SGCZ: variants seen among roughly 807,000 people sequenced by gnomAD.
SGCZ encodes the protein sarcoglycan zeta, also known as zeta-sarcoglycan.
SGCZ carries 40 observed loss-of-function variants against 41.3 expected under a neutral mutation model. The observed-to-expected ratio is 0.97, with a 90% CI of 0.75 to 1.26. The LOEUF is 1.26. Ranked by LOEUF, SGCZ falls within the 50% of genes most tolerant of loss-of-function variation. The probability of loss-of-function intolerance (pLI) is 0.00; values close to 1 mark genes in which losing one functional copy is unlikely to be tolerated. For missense variants in SGCZ, 552 were observed against 369.8 expected, an observed-to-expected ratio of 1.49 and a Z score of -4.04; for synonymous variants, 206 against 137.5, an observed-to-expected ratio of 1.50 and a Z score of -3.49.
At chr8:14,341,935 G>A (rs528363681) in intron 2 of SGCZ, among the ~76,000 whole-genome samples, 2 of 152,258 alleles carry the variant, frequency 1.3e-5, no homozygotes, top group African/African-American at 4.8e-5. Flanking sequence ...TGTGAAAACA[G>A]AATAATACAG....
At chr8:14,580,868 T>C (rs1804865649) in intron 1 of SGCZ, among the ~76,000 whole-genome samples, 1 of 152,148 alleles carries the variant, frequency 6.6e-6, no homozygotes, top group Admixed American at 6.5e-5. Flanking sequence ...GATAGAAACA[T>C]CATGGTTGAT....
In SGCZ at chr8:14,105,434, C is replaced by T. The variant is rs905677277; in HGVS notation, c.620+2729G>A. On this transcript the variant is annotated intron_variant, in intron 6 of 7. Coordinates refer to ENST00000382080, the MANE Select transcript of SGCZ (RefSeq NM_139167.4). ...ACTCCCTAAATTAACATTTTATTGA[C>T]TTGGCCAACCAATGAAACCGTGTTG... Among the ~76,000 whole-genome samples, 5 of 152,046 alleles carry T rather than the reference C, an allele frequency of 3.3e-5. No individual in the cohort carries two copies. The South Asian group carries it at 6.2e-4, about 19-fold the overall frequency.
At chr8:15,150,952 C>T (rs572666839) in intron 1 of SGCZ, among the ~76,000 whole-genome samples, 1 of 152,268 alleles carries the variant, frequency 6.6e-6, no homozygotes, top group Admixed American at 6.5e-5. Context: ...GTGGACTTGA[C>T]CTACTGGCAT....
intron 1 of SGCZ, among the ~76,000 whole-genome samples, chr8:14,720,464 T>C (rs1281647768): frequency 1.3e-5 from 2 of 152,114 alleles, no homozygotes; most frequent in African/African-American, 4.8e-5. Flanking sequence ...AATATTGCCA[T>C]TATTAAACAA....
At chr8:14,393,586 G>C (rs7830532) in intron 2 of SGCZ, among the ~76,000 whole-genome samples, 1 of 151,968 alleles carries the variant, frequency 6.6e-6, no homozygotes, top group Admixed American at 6.6e-5. Context: ...AGAAATTTCG[G>C]TGCATTCACC....
rs761799864 is a variant in SGCZ at position 14,108,206 on chromosome 8, C to T, written c.577G>A (p.Val193Met). 2.3e-5 allele frequency: 37 copies of T among 1,614,010 alleles called. 1 individual carries two copies. The South Asian group carries it at 3.7e-4, about 16-fold the overall frequency. The change falls in exon 6 of 8, where the codon GTG (valine) becomes ATG (methionine). Residue 193 changes from valine to methionine, a missense_variant. Physicochemically the swap from Val to Met is conservative, Grantham distance 21 (BLOSUM62 1). Coordinates refer to ENST00000382080, the MANE Select transcript of SGCZ (RefSeq NM_139167.4). ...GTEGAVFGHSVETPHIRAEPS... is the reference protein window; with the variant it reads ...GTEGAVFGHSMETPHIRAEPS... ...TCTGCTCTGATGTGCGGCGTCTCCA[C>T]AGAGTGCCCAAATACGGCTCCTTCA...
intron 1 of SGCZ, among the ~76,000 whole-genome samples, chr8:14,993,759 G>A (rs1194446459): frequency 6.6e-6 from 1 of 152,188 alleles, no homozygotes; most frequent in African/African-American, 2.4e-5. Context: ...TGAATAGGCA[G>A]AAGAATAATA....
chr8:14,339,263 C>A (rs951392712), intron 2 of SGCZ, among the ~76,000 whole-genome samples: 1 of 152,140 alleles, frequency 6.6e-6, no homozygotes, highest in Non-Finnish European at 1.5e-5. Flanking sequence ...ACAAATAATG[C>A]AGATCTAATT....
At chr8:14,298,289 T>C (rs1801081391) in intron 3 of SGCZ, among the ~76,000 whole-genome samples, 1 of 152,104 alleles carries the variant, frequency 6.6e-6, no homozygotes, top group African/African-American at 2.4e-5. Context: ...TCCTTTTAGA[T>C]TGGAAATAAG....
At chr8:14,259,742 T>C (rs1405566542) in intron 3 of SGCZ, among the ~76,000 whole-genome samples, 11 of 144,284 alleles carry the variant, frequency 7.6e-5, no homozygotes, top group South Asian at 4.4e-4. Flanking sequence ...AATCAGGTAG[T>C]GTGATGCCTC....
intron 1 of SGCZ, among the ~76,000 whole-genome samples, chr8:15,209,181 G>T (rs1801163245): frequency 6.6e-6 from 1 of 151,986 alleles, no homozygotes; most frequent in Admixed American, 6.6e-5. Flanking sequence ...ATAATTAAAT[G>T]ATTATAGTAT....
At chr8:14,724,214 T>C (rs999317423) in intron 1 of SGCZ, among the ~76,000 whole-genome samples, 1 of 152,086 alleles carries the variant, frequency 6.6e-6, no homozygotes, top group Non-Finnish European at 1.5e-5. Flanking sequence ...TGCTGTACTA[T>C]TTAGAGGCAA....
At chr8:14,401,632 G>T (rs928548674) in intron 2 of SGCZ, among the ~76,000 whole-genome samples, 2 of 151,308 alleles carry the variant, frequency 1.3e-5, no homozygotes, top group Non-Finnish European at 2.9e-5. Context: ...ATTGTTTATG[G>T]CTGCATAGTA....
intron 2 of SGCZ, among the ~76,000 whole-genome samples, chr8:14,330,910 C>G (rs548914136): frequency 1.1e-3 from 170 of 151,982 alleles, no homozygotes; most frequent in Non-Finnish European, 1.5e-3. Flanking sequence ...TTGAAGGACT[C>G]CAAGAGCTGC....
chr8:15,051,103 T>C (rs1054208857), intron 1 of SGCZ, among the ~76,000 whole-genome samples: 2 of 152,206 alleles, frequency 1.3e-5, no homozygotes, highest in African/African-American at 4.8e-5. Context: ...ATCAAACTGC[T>C]GACAGCTTCT....
intron 4 of SGCZ, among the ~76,000 whole-genome samples, chr8:14,181,125 G>T (rs1444689597): frequency 6.6e-6 from 1 of 152,114 alleles, no homozygotes; most frequent in Non-Finnish European, 1.5e-5. Flanking sequence ...CCCTAATAGG[G>T]CCAACGGGAG....
At chr8:14,439,474 A>G (rs939293516) in intron 2 of SGCZ, among the ~76,000 whole-genome samples, 41 of 151,894 alleles carry the variant, frequency 2.7e-4, no homozygotes, top group African/African-American at 9.9e-4. Context: ...AGACCAAGAC[A>G]GTACAAAAAC....
chr8:14,584,906 C>G (rs2117268969), intron 1 of SGCZ, among the ~76,000 whole-genome samples: 1 of 152,162 alleles, frequency 6.6e-6, no homozygotes, highest in Middle Eastern at 3.4e-3. Flanking sequence ...AGGAAATTTA[C>G]TTACAGTCAT....
chr8:14,818,152 C>T (rs1019343454), intron 1 of SGCZ, among the ~76,000 whole-genome samples: 20 of 152,134 alleles, frequency 1.3e-4, no homozygotes, highest in Non-Finnish European at 2.8e-4. Context: ...CACAATCTCC[C>T]AGCTGGTCAC....
Sources: allele counts gnomAD v4.1 joint callset (sites outside exome capture counted in the v4.1 genomes callset), GRCh38; gene constraint gnomAD v4.1.1; transcripts MANE v1.5; gene names NCBI Gene and HGNC (gene_info 2026-07-23, HGNC 2026-07-21).